The following COL22A1 variants were observed in gnomAD, a reference collection of about 807,000 sequenced individuals.
The protein encoded by COL22A1 is collagen alpha-1(XXII) chain.
In COL22A1, 221 loss-of-function variants were observed where a neutral mutation model predicts 248.9. That is an observed-to-expected ratio of 0.89 (90% CI 0.80 to 0.99). COL22A1 has a LOEUF of 0.99. Among genes scored for constraint, COL22A1 ranks in the 50% least tolerant of loss-of-function variants. The pLI is 0.00. For synonymous variants in COL22A1, 891 were observed against 793.4 expected (o/e 1.12, Z -2.07); for missense variants, 2,240 against 2,179.0 (o/e 1.03, Z -0.56).
At chr8:138,747,933 G>A (rs1832261064) in intron 22 of COL22A1, among the ~76,000 whole-genome samples, 1 of 152,208 alleles carries the variant, frequency 6.6e-6, no homozygotes, top group African/African-American at 2.4e-5. Context: ...GATGCCAGCA[G>A]AGCCTCAACT....
intron 4 of COL22A1, among the ~76,000 whole-genome samples, chr8:138,834,260 T>A (rs1474477820): frequency 2.6e-5 from 4 of 151,702 alleles, no homozygotes; most frequent in Non-Finnish European, 4.4e-5. Flanking sequence ...AATATACTTC[T>A]CGGTATTCAC....
At chr8:138,606,063 T>C (rs565878084) in intron 58 of COL22A1, among the ~76,000 whole-genome samples, 6 of 152,362 alleles carry the variant, frequency 3.9e-5, no homozygotes, top group Admixed American at 1.3e-4. Flanking sequence ...TCCCTTTATA[T>C]GAATGATTTC....
At chr8:138,847,376 G>A (rs142928996) in intron 3 of COL22A1, among the ~76,000 whole-genome samples, 421 of 152,326 alleles carry the variant, frequency 2.8e-3, no homozygotes, top group Non-Finnish European at 4.8e-3. Flanking sequence ...CCCTGGAGGT[G>A]TAGCAGGCAT....
intron 35 of COL22A1, among the ~76,000 whole-genome samples, chr8:138,692,167 GGTGT>G (rs200190266): frequency 0.14 from 2,030 of 14,776 alleles, no homozygotes; most frequent in African/African-American, 0.16. Context: ...TATGTGTGGA[GGTGT>G]GTGTGTATGT....
At chr8:138,843,583 C>T (rs532927545) in intron 4 of COL22A1, among the ~76,000 whole-genome samples, 1 of 152,312 alleles carries the variant, frequency 6.6e-6, no homozygotes, top group South Asian at 2.1e-4. Flanking sequence ...ACCCCGCACC[C>T]TCGCAGCCTT....
chr8:138,645,431 T>A (rs1372809579), intron 47 of COL22A1, among the ~76,000 whole-genome samples: 1 of 152,338 alleles, frequency 6.6e-6, no homozygotes, highest in Non-Finnish European at 1.5e-5. Flanking sequence ...TTCAAAGTAT[T>A]CTTTTTCTTT....
intron 35 of COL22A1, among the ~76,000 whole-genome samples, chr8:138,691,361 ATG>A (rs1371330784): frequency 2.6e-5 from 3 of 114,496 alleles, no homozygotes; most frequent in Non-Finnish European, 5.5e-5. Flanking sequence ...GTTTGTGGAG[ATG>A]TGTGTATGCA....
chr8:138,597,055 T>A (rs1817603433), intron 61 of COL22A1, 85 bp from the exon 62 acceptor site: 1 of 1,130,018 alleles, frequency 8.8e-7, no homozygotes. Flanking sequence ...AACCAGGAAG[T>A]TCGTAGGTGG....
intron 4 of COL22A1, among the ~76,000 whole-genome samples, chr8:138,835,826 G>A (rs537802808): frequency 9.4e-6 from 1 of 106,816 alleles, no homozygotes; most frequent in South Asian, 3.1e-4. Flanking sequence ...GTAAAATTGG[G>A]ATAATAATAA....
intron 12 of COL22A1, among the ~76,000 whole-genome samples, chr8:138,789,228 C>A (rs928810283): frequency 3.3e-5 from 5 of 152,242 alleles, no homozygotes; most frequent in African/African-American, 9.6e-5. Flanking sequence ...CCTTCAGCAC[C>A]ATGGACAGGG....
In COL22A1 at chr8:138,662,027, T is replaced by G; in HGVS notation, c.3240+3A>C. ...TGAGTCCACGCCATTTCTCTGTACT[T>G]ACGTCCCGGCCGGCTGGGCCCTGGG... On this transcript the variant is annotated splice_donor_region_variant and intron_variant, in intron 43 of 64. Transcript: ENST00000303045. The G allele has an allele frequency of 6.2e-7, 1 of 1,611,360 alleles. No homozygotes were observed. The highest frequency in any genetic ancestry group is 8.5e-7 in the Non-Finnish European group (1 of 1,178,648).
intron 50 of COL22A1, among the ~76,000 whole-genome samples, chr8:138,627,738 G>A (rs961893705): frequency 1.2e-4 from 19 of 152,134 alleles, no homozygotes; most frequent in African/African-American, 2.4e-4. Flanking sequence ...CTTGCCTGCA[G>A]TACACCCTTG....
chr8:138,802,385 G>A (rs1586776229), intron 11 of COL22A1, among the ~76,000 whole-genome samples: 1 of 152,020 alleles, frequency 6.6e-6, no homozygotes, highest in African/African-American at 2.4e-5. Context: ...CTCTGATGCT[G>A]GGATGGAGGA....
At chr8:138,630,657 A>C (rs1240612307) in intron 50 of COL22A1, 38 bp downstream of exon 50, 4 of 1,591,242 alleles carry the variant, frequency 2.5e-6, no homozygotes, top group Non-Finnish European at 3.4e-6. Flanking sequence ...AAGGCTAAAG[A>C]CAGATTAAAA....
intron 10 of COL22A1, among the ~76,000 whole-genome samples, chr8:138,804,254 G>A (rs1000984059): frequency 1.1e-4 from 17 of 152,122 alleles, no homozygotes; most frequent in African/African-American, 4.1e-4. Flanking sequence ...AGGAACCCCA[G>A]CCTTTGACTC....
At chr8:138,746,373 G>C (rs892451483) in intron 22 of COL22A1, among the ~76,000 whole-genome samples, 1 of 152,220 alleles carries the variant, frequency 6.6e-6, no homozygotes, top group Non-Finnish European at 1.5e-5. Flanking sequence ...GTCATGGCAA[G>C]GGAAGGAGAG....
intron 44 of COL22A1, among the ~76,000 whole-genome samples, chr8:138,656,883 G>C (rs1453446225): frequency 6.6e-6 from 1 of 152,158 alleles, no homozygotes; most frequent in Non-Finnish European, 1.5e-5. Flanking sequence ...AATTCAGTCT[G>C]CCATTTTGGG....
intron 47 of COL22A1, among the ~76,000 whole-genome samples, chr8:138,640,947 C>G (rs1821631806): frequency 6.6e-6 from 1 of 152,198 alleles, no homozygotes; most frequent in Non-Finnish European, 1.5e-5. Context: ...GGCCTGTGCC[C>G]ACAGGCCTTG....
At chr8:138,612,619 G>T (rs1818953974) in intron 56 of COL22A1, among the ~76,000 whole-genome samples, 1 of 152,014 alleles carries the variant, frequency 6.6e-6, no homozygotes, top group Non-Finnish European at 1.5e-5. Flanking sequence ...ACAAGGACTG[G>T]ATTCCTTATA....
Sources: allele counts gnomAD v4.1 joint callset (sites outside exome capture counted in the v4.1 genomes callset), GRCh38; gene constraint gnomAD v4.1.1; transcripts MANE v1.5; gene names NCBI Gene and HGNC (gene_info 2026-07-23, HGNC 2026-07-21).